CDK12: variants seen among roughly 807,000 people sequenced by gnomAD.
CDK12 encodes the protein cyclin-dependent kinase 12.
CDK12 carries 17 observed loss-of-function variants against 133.8 expected under a neutral mutation model. That is an observed-to-expected ratio of 0.13 (90% CI 0.09 to 0.19). The LOEUF (loss-of-function observed/expected upper bound fraction) is 0.19. Ranked by LOEUF, CDK12 falls within the 10% of genes least tolerant of loss-of-function variation. The pLI, the probability that CDK12 is intolerant of heterozygous loss-of-function variation, is 1.00. For synonymous variants in CDK12, 694 were observed against 683.6 expected, an observed-to-expected ratio of 1.02 and a Z score of -0.24; for missense variants, 1,508 against 1,818.7, an observed-to-expected ratio of 0.83 and a Z score of 3.11.
At chr17:39,515,154 G>A (rs1047953753) in intron 8 of CDK12, among the ~76,000 whole-genome samples, 6 of 152,194 alleles carry the variant, frequency 3.9e-5, no homozygotes, top group Non-Finnish European at 2.9e-5. Context: ...AAAGGTTGCA[G>A]TGAGTGGAGA....
In CDK12 at chr17:39,520,101, G is replaced by A. The variant is rs2054071566; in HGVS notation, c.3095+14G>A. On this transcript the variant is annotated intron_variant, in intron 11 of 13. Transcript: ENST00000447079. ...GGCTCCTCCAGAGTAAGTGCTGGTA[G>A]CCATGTTGTGACCCTAAATCTTTCC... 6.2e-7 allele frequency: 1 copy of A among 1,613,506 alleles called. No homozygotes were observed. The highest frequency in any genetic ancestry group is 1.3e-5 in the African/African-American group (1 of 75,018).
chr17:39,557,506 G>A (rs1223726462), intron 3 of CDK12, among the ~76,000 whole-genome samples: 2 of 152,152 alleles, frequency 1.3e-5, no homozygotes, highest in Admixed American at 1.3e-4. Flanking sequence ...CTTTCATGGA[G>A]GGGCACTGTG....
At chr17:39,464,672 A>C (rs2049169795) in intron 1 of CDK12, among the ~76,000 whole-genome samples, 1 of 152,120 alleles carries the variant, frequency 6.6e-6, no homozygotes, top group Non-Finnish European at 1.5e-5. Context: ...TTTATTATAA[A>C]AAATTTTCCA....
At position 39,532,133 on chromosome 17, in the gene CDK12, T is replaced by TG. The variant is rs1016570597; in HGVS notation, c.*817_*818insG. ...CTCTCTCTCTCTCTCTCTCTCTCTC[T>TG]CTCTCTCTCTGTCTCGCTTGCTCGC... On this transcript the variant is annotated 3_prime_UTR_variant, in exon 14 of 14. Coordinates refer to ENST00000447079, the MANE Select transcript of CDK12 (RefSeq NM_016507.4). 1.7e-5 allele frequency: 4 copies of TG among 229,984 alleles called. No individual in the cohort carries two copies. The highest frequency in any genetic ancestry group is 3.4e-5 in the Non-Finnish European group (4 of 116,136). 14.2% of individuals were successfully genotyped at this position (229,984 alleles called of 1,614,324 possible). A position where few individuals can be genotyped will look rare whatever the true frequency, so the allele number is the denominator to read the frequency against.
intron 2 of CDK12, among the ~76,000 whole-genome samples, chr17:39,490,011 A>G (rs2145808197): frequency 6.6e-6 from 1 of 151,994 alleles, no homozygotes; most frequent in Non-Finnish European, 1.5e-5. Context: ...TGATAAAGGG[A>G]ACTGCAAGTA....
Position 39,471,560 on chromosome 17 carries a change from T to C in CDK12, c.1728T>C (p.Val576=), listed in dbSNP as rs2145206416. Residue 576 remains valine (V), a synonymous_variant, in exon 2 of 14, where the codon GTT becomes GTC. Transcript: ENST00000447079. ...CTTCTCAGCCAGCATTTAGTCAGGT[T>C]CCTGCTTCCAGTACTTCAACTTTGC... is the stretch of plus-strand genomic sequence containing the variant. ...LPPSQPAFSQ[V]PASSTSTLPP... 3.7e-6 allele frequency: 6 copies of C among 1,614,076 alleles called. No individual in the cohort carries two copies. The South Asian group carries it at 6.6e-5, about 18-fold the overall frequency.
At chr17:39,476,702 C>T (rs548508401) in intron 2 of CDK12, among the ~76,000 whole-genome samples, 1 of 75,424 alleles carries the variant, frequency 1.3e-5, no homozygotes, top group African/African-American at 4.3e-5. Flanking sequence ...CATGAGCCAC[C>T]ATGCCTGCCT....
chr17:39,474,100 C>T (rs1374975992), intron 2 of CDK12, among the ~76,000 whole-genome samples: 1 of 152,090 alleles, frequency 6.6e-6, no homozygotes, highest in Admixed American at 6.6e-5. Context: ...ACAGGACTAA[C>T]TAGGCAAGTA....
At chr17:39,483,205 G>GC (rs2050860120) in intron 2 of CDK12, among the ~76,000 whole-genome samples, 1 of 151,416 alleles carries the variant, frequency 6.6e-6, no homozygotes, top group African/African-American at 2.4e-5. Context: ...GAGCCACCTC[G>GC]CCCTGGCTCA....
rs747640647 is a variant in CDK12, at chr17:39,462,471, C to A, written c.400C>A (p.Gln134Lys). The A allele has an allele frequency of 6.2e-7, 1 of 1,613,930 alleles. No homozygotes were observed. The highest frequency in any genetic ancestry group is 1.3e-5 in the African/African-American group (1 of 74,882). ...KAKQTEKEKSQEVSSKSGSMK... is the reference protein window; with the variant it reads ...KAKQTEKEKSKEVSSKSGSMK... ...TAAACAGACCGAAAAAGAAAAAAGC[C>A]AAGAAGTCTCCAGCAAGTCGGGATC... The change falls in exon 1 of 14, where the codon CAA becomes AAA. Residue 134 changes from glutamine (Q) to lysine (K), a missense_variant. By Grantham distance (53) the Gln-to-Lys change is moderately conservative (BLOSUM62 1). Transcript: ENST00000447079.
chr17:39,475,702 C>T (rs998763228), intron 2 of CDK12, among the ~76,000 whole-genome samples: 2 of 151,716 alleles, frequency 1.3e-5, no homozygotes, highest in Admixed American at 6.6e-5. Flanking sequence ...CCTGCCACCA[C>T]GCCCAGCTAA....
intron 2 of CDK12, among the ~76,000 whole-genome samples, chr17:39,552,588 T>C (rs7503377): frequency 0.82 from 124,888 of 152,162 alleles, 51,450 homozygotes; most frequent in South Asian, 0.92. Flanking sequence ...TCCATCCCTA[T>C]TCCAACATAT....
intron 1 of CDK12, among the ~76,000 whole-genome samples, chr17:39,542,291 A>G (rs2055462551): frequency 6.6e-6 from 1 of 151,010 alleles, no homozygotes; most frequent in African/African-American, 2.4e-5. Flanking sequence ...GGTTCAAGCG[A>G]TTCTCCTGCC....
chr17:39,516,562 G>C (rs958748007), intron 9 of CDK12, among the ~76,000 whole-genome samples: 6 of 151,382 alleles, frequency 4.0e-5, no homozygotes, highest in African/African-American at 1.5e-4. Context: ...TATGTTTGTT[G>C]CCTGGGCTGG....
chr17:39,517,731 C>T (rs927190597), intron 10 of CDK12, among the ~76,000 whole-genome samples, 175 bp downstream of exon 10: 4 of 152,202 alleles, frequency 2.6e-5, no homozygotes, highest in African/African-American at 9.6e-5. Flanking sequence ...GTAATTTTCT[C>T]TTCTGAAGGC....
chr17:39,461,540 T>A lies in CDK12; in HGVS notation c.-532T>A, dbSNP rs560817341. On this transcript the variant is annotated 5_prime_UTR_variant, in exon 1 of 14. Coordinates refer to ENST00000447079, the MANE Select transcript of CDK12 (RefSeq NM_016507.4). Reference sequence around the variant, plus strand: ...GACTGGGTCTGTGTGAGGGAGAGAGTGTGTGTGGTGTGGAGGTGAAACGGA... The same window carrying A: ...GACTGGGTCTGTGTGAGGGAGAGAGAGTGTGTGGTGTGGAGGTGAAACGGA... The A allele has an allele frequency of 8.4e-6, 2 of 239,036 alleles. No homozygotes were observed. Among genetic ancestry groups the A allele is most frequent in the South Asian group, 1.3e-4 (1 of 7,578 alleles). The allele number at this position is 239,036 out of a possible 1,614,324, so 14.8% of individuals were successfully genotyped here. A position where few individuals can be genotyped will look rare whatever the true frequency, so the allele number is the denominator to read the frequency against.
intron 2 of CDK12, among the ~76,000 whole-genome samples, chr17:39,475,187 T>C (rs186901854): frequency 8.9e-4 from 135 of 152,106 alleles, no homozygotes; most frequent in African/African-American, 3.0e-3. Flanking sequence ...CATTAATAGG[T>C]ATTTATGGAC....
At position 39,531,917 on chromosome 17, in the gene CDK12, G is replaced by A. The variant is rs1006556424; in HGVS notation, c.*601G>A. On this transcript the variant is annotated 3_prime_UTR_variant, in exon 14 of 14. Coordinates refer to ENST00000447079, the MANE Select transcript of CDK12 (RefSeq NM_016507.4). ...TTTAAGTGAACACTTTTTCCCCATT[G>A]AGCATCTTGAACATACTTTTTTTCC... 2 of 233,638 alleles carry A rather than the reference G, an allele frequency of 8.6e-6. No homozygotes were observed. The highest frequency in any genetic ancestry group is 1.7e-5 in the Non-Finnish European group (2 of 118,062). The allele number at this position is 233,638 out of a possible 1,614,324, so 14.5% of individuals were successfully genotyped here.
At chr17:39,513,421 C>A (rs2053610165) in intron 8 of CDK12, among the ~76,000 whole-genome samples, 1 of 152,060 alleles carries the variant, frequency 6.6e-6, no homozygotes, top group Non-Finnish European at 1.5e-5. Context: ...GGTAGCCTAC[C>A]CAAATAAAAT....
Sources: allele counts gnomAD v4.1 joint callset (sites outside exome capture counted in the v4.1 genomes callset), GRCh38; gene constraint gnomAD v4.1.1; transcripts MANE v1.5; gene names NCBI Gene and HGNC (gene_info 2026-07-23, HGNC 2026-07-21).